The following PCDHGB1 variants were observed in gnomAD, a reference collection of about 807,000 sequenced individuals.
PCDHGB1 encodes protocadherin gamma-B1.
PCDHGB1 carries 34 observed loss-of-function variants against 56.6 expected under a neutral mutation model. The observed-to-expected ratio is 0.60, with a 90% CI of 0.46 to 0.80. The LOEUF (loss-of-function observed/expected upper bound fraction) is 0.80. PCDHGB1 is among the 30% of genes least tolerant of loss of function. The probability of loss-of-function intolerance (pLI) is 0.00; values close to 1 mark genes in which losing one functional copy is unlikely to be tolerated. For synonymous variants in PCDHGB1, 561 were observed against 505.9 expected, an observed-to-expected ratio of 1.11 and a Z score of -1.46; for missense variants, 1,278 against 1,204.6, an observed-to-expected ratio of 1.06 and a Z score of -0.90.
At chr5:141,356,034 G>A (rs374294861) in intron 1 of PCDHGB1, 39 of 1,613,910 alleles carry the variant, frequency 2.4e-5, no homozygotes, top group South Asian at 1.2e-4. Context: ...GAGACGTGAC[G>A]TATTCTTTCC....
At chr5:141,464,251 C>G (rs1438610569) in intron 1 of PCDHGB1, among the ~76,000 whole-genome samples, 1 of 141,396 alleles carries the variant, frequency 7.1e-6, no homozygotes, top group African/African-American at 2.7e-5. Context: ...GGCTACAGAG[C>G]GAGACTCCGT....
In PCDHGB1 at chr5:141,422,647, T is replaced by G. The variant is rs773990745; in HGVS notation, c.2409+69978T>G. 2.5e-6 allele frequency: 4 copies of G among 1,611,858 alleles called. No individual in the cohort carries two copies. In the South Asian group the frequency reaches 4.4e-5, roughly 18 times the overall value. On this transcript the variant is annotated intron_variant, in intron 1 of 3. Transcript: ENST00000523390. ...CAACCCCAGGGGTGCCTCCATCTTC[T>G]CAGTGACCGCCCTCGACCCGGACAG...
At chr5:141,434,784 A>T (rs967716221) in intron 1 of PCDHGB1, among the ~76,000 whole-genome samples, 11 of 150,278 alleles carry the variant, frequency 7.3e-5, no homozygotes, top group East Asian at 5.8e-4. Flanking sequence ...AAAAAAAAAA[A>T]TTTTTTTTTC....
At position 141,511,239 on chromosome 5, in the gene PCDHGB1, C is replaced by A; in HGVS notation, c.*66C>A. On this transcript the variant is annotated 3_prime_UTR_variant, in exon 4 of 4. Coordinates refer to ENST00000523390, the MANE Select transcript of PCDHGB1 (RefSeq NM_018922.3). ...AACCAGCCCAGCTTCTCCTTACCTG[C>A]ACCCAGGCCTCAGAGTTTCAGGGCT... 1 of 1,587,938 alleles carries A rather than the reference C, an allele frequency of 6.3e-7. No homozygotes were observed. Among genetic ancestry groups the A allele is most frequent in the Admixed American group, 1.8e-5 (1 of 55,480 alleles).
At chr5:141,453,745 A>G (rs1208061874) in intron 1 of PCDHGB1, among the ~76,000 whole-genome samples, 1 of 152,264 alleles carries the variant, frequency 6.6e-6, no homozygotes, top group African/African-American at 2.4e-5. Context: ...CTTAAATAAC[A>G]TAAGTCTCCT....
intron 1 of PCDHGB1, chr5:141,400,587 C>T: frequency 6.2e-7 from 1 of 1,606,696 alleles, no homozygotes; most frequent in South Asian, 1.1e-5. Flanking sequence ...TTACATGAAA[C>T]TATCGTACAT....
intron 3 of PCDHGB1, among the ~76,000 whole-genome samples, chr5:141,509,745 T>C (rs1456852988): frequency 6.6e-6 from 1 of 152,186 alleles, no homozygotes; most frequent in East Asian, 1.9e-4. Context: ...TCTGAGCCTG[T>C]GCCTAAAGTG....
chr5:141,389,223 G>C lies in PCDHGB1; in HGVS notation c.2409+36554G>C, dbSNP rs570029585. 4 of 1,613,876 alleles carry C rather than the reference G, an allele frequency of 2.5e-6. No individual in the cohort carries two copies. Among genetic ancestry groups the C allele is most frequent in the South Asian group, 2.2e-5 (2 of 91,090 alleles). Reference sequence around the variant, plus strand: ...GCACATTGGTGATGTAAATGACAACGCTCCGGTTTTCTCACAGTCTTCCTA... The same window carrying C: ...GCACATTGGTGATGTAAATGACAACCCTCCGGTTTTCTCACAGTCTTCCTA... On this transcript the variant is annotated intron_variant, in intron 1 of 3. Coordinates refer to ENST00000523390, the MANE Select transcript of PCDHGB1 (RefSeq NM_018922.3).
In PCDHGB1 at chr5:141,431,048, A is replaced by G; in HGVS notation, c.2410-63759A>G. The G allele has an allele frequency of 6.2e-7, 1 of 1,614,180 alleles. No homozygotes were observed. Among genetic ancestry groups the G allele is most frequent in the Non-Finnish European group, 8.5e-7 (1 of 1,180,018 alleles). The stretch of plus-strand genomic sequence containing the variant: ...CAGGATAGACCGGGAGGAGCTCTGT[A>G]TGGGGGCCATCAAGTGTCAATTAAA... On this transcript the variant is annotated intron_variant, in intron 1 of 3. Coordinates refer to ENST00000523390, the MANE Select transcript of PCDHGB1 (RefSeq NM_018922.3). This position sits in a 1 kb window ranked among gnomAD's most constrained non-coding sequence, Gnocchi z 4.8.
At chr5:141,433,272 C>A in intron 1 of PCDHGB1, 1 of 1,252,410 alleles carries the variant, frequency 8.0e-7, no homozygotes, top group Non-Finnish European at 1.1e-6. Context: ...TAGCTCACTG[C>A]AGCCTCAAAC....
intron 1 of PCDHGB1, chr5:141,426,709 A>G (rs1259104705): frequency 6.8e-6 from 3 of 443,800 alleles, no homozygotes; most frequent in South Asian, 3.1e-5. Flanking sequence ...TTACAAATCA[A>G]TGAACTAGCA....
Position 141,477,545 on chromosome 5 carries a change from C to T in PCDHGB1, c.2410-17262C>T. The T allele has an allele frequency of 6.2e-7, 1 of 1,614,194 alleles. No individual in the cohort carries two copies. Among genetic ancestry groups the T allele is most frequent in the South Asian group, 1.1e-5 (1 of 91,086 alleles). On this transcript the variant is annotated intron_variant, in intron 1 of 3. Coordinates refer to ENST00000523390, the MANE Select transcript of PCDHGB1 (RefSeq NM_018922.3). The surrounding 1 kb of genome is among the most constrained non-coding windows in gnomAD (Gnocchi z 4.9). ...AAACAACCTCCCCGGGGCTCCAATA[C>T]TAAACCTAAGTGTCTGGGACCCCGA...
chr5:141,395,080 A>G, intron 1 of PCDHGB1: 1 of 1,614,088 alleles, frequency 6.2e-7, no homozygotes, highest in Non-Finnish European at 8.5e-7. Flanking sequence ...TATTCCCAGG[A>G]AGTCTCCCTC....
intron 2 of PCDHGB1, among the ~76,000 whole-genome samples, chr5:141,499,301 TC>T (rs771049830): frequency 6.6e-6 from 1 of 152,166 alleles, no homozygotes; most frequent in Non-Finnish European, 1.5e-5. Context: ...CTACCATCCC[TC>T]CTCTGAGAGA....
chr5:141,367,702 CTTAAGG>C (rs1765297530), intron 1 of PCDHGB1: 1 of 151,984 alleles, frequency 6.6e-6, no homozygotes, highest in Admixed American at 6.6e-5. Flanking sequence ...GTAAAGGAAC[CTTAAGG>C]TTGGGCTTCG....
At chr5:141,419,331 T>G (rs2096361475) in intron 1 of PCDHGB1, 2 of 1,613,840 alleles carry the variant, frequency 1.2e-6, no homozygotes, top group Non-Finnish European at 8.5e-7. Flanking sequence ...TCCTACTCTC[T>G]CATTGCCAGC....
intron 1 of PCDHGB1, chr5:141,360,656 A>T: frequency 6.2e-7 from 1 of 1,613,586 alleles, no homozygotes; most frequent in Non-Finnish European, 8.5e-7. Flanking sequence ...CACCTTAATG[A>T]CAACGAGTAC....
chr5:141,415,747 T>TTTG, intron 1 of PCDHGB1: 1 of 797,602 alleles, frequency 1.3e-6, no homozygotes, highest in East Asian at 4.8e-5. Flanking sequence ...AAGGTTTTTT[T>TTTG]TTTTTTTTTT....
chr5:141,452,252 C>T (rs868364679), intron 1 of PCDHGB1, among the ~76,000 whole-genome samples: 2 of 152,106 alleles, frequency 1.3e-5, no homozygotes, highest in Non-Finnish European at 2.9e-5. Context: ...TTTGCCATAA[C>T]TCTCTCATTT....
Sources: gnomAD v4.1 joint callset for allele counts (sites outside exome capture counted in the v4.1 genomes callset) on GRCh38, gnomAD v4.1.1 for gene constraint, Gnocchi (gnomAD v3.1) non-coding constraint, MANE v1.5 for transcripts, NCBI Gene and HGNC (gene_info 2026-07-23, HGNC 2026-07-21) for gene names.